PDC: variants seen among roughly 807,000 people sequenced by gnomAD.
PDC encodes phosducin.
PDC carries 19 observed loss-of-function variants against 22.2 expected under a neutral mutation model. The ratio of observed to expected loss-of-function variants is 0.86; its 90% confidence interval spans 0.60 to 1.26. The LOEUF (loss-of-function observed/expected upper bound fraction) is 1.26, where lower values mean the gene tolerates loss of function less well. PDC is among the 50% of genes most tolerant of loss of function. The pLI is 0.00. For synonymous variants in PDC, 97 were observed against 96.2 expected (o/e 1.01, Z -0.05); for missense variants, 274 against 286.8 (o/e 0.96, Z 0.32).
At chr1:186,448,632 T>G (rs369675127) in intron 2 of PDC, 2 of 867,192 alleles carry the variant, frequency 2.3e-6, no homozygotes, top group African/African-American at 3.6e-5. Context: ...ACCAACCTTT[T>G]CTTCAATGGT....
At chr1:186,450,468 G>A (rs769445761) in intron 1 of PDC, among the ~76,000 whole-genome samples, 4 of 151,902 alleles carry the variant, frequency 2.6e-5, no homozygotes, top group Admixed American at 6.6e-5. Flanking sequence ...TCTCCTGAGC[G>A]GCGGGGACTA....
At chr1:186,451,862 A>G (rs1370018824) in intron 1 of PDC, 1 of 152,216 alleles carries the variant, frequency 6.6e-6, no homozygotes, top group Non-Finnish European at 1.5e-5. Context: ...GAATTACATG[A>G]AGAACAAAAC....
At position 186,449,696 on chromosome 1, in the gene PDC, G is replaced by A. The variant is rs112978394; in HGVS notation, c.-24-213C>T. On this transcript the variant is annotated intron_variant, in intron 1 of 3. Transcript: ENST00000391997. ...GTAAAAGGACATTAATTTAACATGT[G>A]TTATTAAAGATGTCTGGACTTAAGG... Among the ~76,000 whole-genome samples the A allele has an allele frequency of 3.2e-3, 481 of 152,232 alleles. 3 individuals are homozygous for A. Among genetic ancestry groups the A allele is most frequent in the African/African-American group, 0.011 (455 of 41,544 alleles).
intron 1 of PDC, 45 bp from the exon 2 acceptor site, chr1:186,449,528 A>G: frequency 1.1e-6 from 1 of 943,806 alleles, no homozygotes; most frequent in Non-Finnish European, 1.7e-6. Context: ...GAATTCCAGG[A>G]TGTACATACA....
intron 1 of PDC, among the ~76,000 whole-genome samples, chr1:186,460,752 A>T (rs1662566204): frequency 6.6e-6 from 1 of 152,006 alleles, no homozygotes; most frequent in South Asian, 2.1e-4. Flanking sequence ...TTCTCCCTTC[A>T]CTCAAAGGAA....
intron 2 of PDC, 143 bp downstream of exon 2, chr1:186,449,256 C>T (rs1000886579): frequency 5.9e-5 from 25 of 426,046 alleles, no homozygotes; most frequent in African/African-American, 2.7e-4. Flanking sequence ...TTAATTTGCC[C>T]GCTCAAATAT....
intron 2 of PDC, 142 bp downstream of exon 2, chr1:186,449,257 G>A (rs59886878): frequency 0.018 from 7,642 of 423,118 alleles, 510 homozygotes; most frequent in African/African-American, 0.14. Flanking sequence ...TAATTTGCCC[G>A]CTCAAATATT....
At chr1:186,449,545 T>G (rs902614532) in intron 1 of PDC, 62 bp from the exon 2 acceptor site, 74 of 800,040 alleles carry the variant, frequency 9.2e-5, no homozygotes, top group Non-Finnish European at 1.3e-4. Context: ...TACATATATA[T>G]AGAGATAAAT....
intron 1 of PDC, among the ~76,000 whole-genome samples, chr1:186,460,106 C>T (rs1290658566): frequency 1.3e-5 from 2 of 152,158 alleles, no homozygotes; most frequent in Non-Finnish European, 2.9e-5. Flanking sequence ...CAACAACATA[C>T]TACTAAGGAA....
chr1:186,450,905 C>T (rs1662341469), intron 1 of PDC, among the ~76,000 whole-genome samples: 1 of 152,170 alleles, frequency 6.6e-6, no homozygotes, highest in African/African-American at 2.4e-5. Flanking sequence ...GATAAACTAT[C>T]TTATTTTTAT....
chr1:186,459,898 A>G (rs1662546717), intron 1 of PDC, among the ~76,000 whole-genome samples: 1 of 147,644 alleles, frequency 6.8e-6, no homozygotes, highest in African/African-American at 2.5e-5. Flanking sequence ...AGTAATAATA[A>G]TAACCTCCAT....
rs760214263 is a variant in PDC, at chr1:186,443,960, A to C, written c.*19T>G. 1.9e-6 allele frequency: 3 copies of C among 1,559,702 alleles called. No homozygotes were observed. Among genetic ancestry groups the C allele is most frequent in the Non-Finnish European group, 2.6e-6 (3 of 1,135,476 alleles). On this transcript the variant is annotated 3_prime_UTR_variant, in exon 4 of 4. Coordinates refer to ENST00000391997, the MANE Select transcript of PDC (RefSeq NM_002597.5). ...CCAATACCTAAAGGATAAACATGAG[A>C]TATTGACATAGTGAATCTTCATTCA...
At chr1:186,455,684 G>A (rs1207094570) in intron 1 of PDC, among the ~76,000 whole-genome samples, 6 of 151,360 alleles carry the variant, frequency 4.0e-5, no homozygotes, top group South Asian at 2.1e-4. Flanking sequence ...GCCAGTGGCC[G>A]GGCGCAGTGG....
intron 2 of PDC, among the ~76,000 whole-genome samples, chr1:186,448,451 A>G (rs779593647): frequency 2.0e-5 from 3 of 152,106 alleles, no homozygotes; most frequent in Admixed American, 6.6e-5. Context: ...GGAAACTGAC[A>G]CTGTCAACTG....
chr1:186,460,448 C>T (rs923540419), intron 1 of PDC, among the ~76,000 whole-genome samples: 2 of 152,082 alleles, frequency 1.3e-5, no homozygotes, highest in African/African-American at 4.8e-5. Flanking sequence ...GGTCCCAAAG[C>T]GCAAGTGTTG....
chr1:186,457,693 G>T (rs1011934244), intron 1 of PDC, among the ~76,000 whole-genome samples: 1 of 152,122 alleles, frequency 6.6e-6, no homozygotes, highest in African/African-American at 2.4e-5. Context: ...ATCATAATAA[G>T]AGTTTTCTTT....
Position 186,449,485 on chromosome 1 carries a change from T to C in PDC, c.-24-2A>G. 7.0e-7 allele frequency: 1 copy of C among 1,419,100 alleles called. No homozygotes were observed. Among genetic ancestry groups the C allele is most frequent in the East Asian group, 2.3e-5 (1 of 43,938 alleles). 87.9% of individuals were successfully genotyped at this position (1,419,100 alleles called of 1,614,324 possible). ...TTTAGGGACTGGATTTGATATAATCTATAGGAGGAACAAAGAAATAATAAT... is the reference window on the plus strand; with the variant it reads ...TTTAGGGACTGGATTTGATATAATCCATAGGAGGAACAAAGAAATAATAAT... On this transcript the variant is annotated splice_acceptor_variant, in intron 1 of 3. Transcript: ENST00000391997. LOFTEE classifies it low-confidence loss of function (5UTR_SPLICE).
In PDC at chr1:186,443,737, A is replaced by G. The variant is rs80116466; in HGVS notation, c.*242T>C. 1 of 419,190 alleles carries G rather than the reference A, an allele frequency of 2.4e-6. No individual in the cohort carries two copies. Among genetic ancestry groups the G allele is most frequent in the African/African-American group, 2.0e-5 (1 of 49,862 alleles). The allele number at this position is 419,190 out of a possible 1,614,324, so 26.0% of individuals were successfully genotyped here. On this transcript the variant is annotated 3_prime_UTR_variant, in exon 4 of 4. Transcript: ENST00000391997. The stretch of plus-strand genomic sequence containing the variant: ...GATTTTTGAAAAATGTCATAATATT[A>G]TCCACATCCTCTTTGTCTACTAATA...
rs949149539 is a variant in PDC at position 186,443,603 on chromosome 1, AT to A, written c.*375del. The stretch of plus-strand genomic sequence containing the variant: ...AAAATTTATTTTCTCATGAGATTTC[AT>A]TTTTATTACACAAAGAAAATTATAA... On this transcript the variant is annotated 3_prime_UTR_variant, in exon 4 of 4. Coordinates refer to ENST00000391997, the MANE Select transcript of PDC (RefSeq NM_002597.5). 2.7e-4 allele frequency: 43 copies of A among 160,818 alleles called. No homozygotes were observed. The highest frequency in any genetic ancestry group is 1.0e-3 in the African/African-American group (43 of 41,856). The allele number at this position is 160,818 out of a possible 1,614,324, so 10.0% of individuals were successfully genotyped here. A position where few individuals can be genotyped will look rare whatever the true frequency, so the allele number is the denominator to read the frequency against.
Sources: allele counts gnomAD v4.1 joint callset (sites outside exome capture counted in the v4.1 genomes callset), GRCh38; gene constraint gnomAD v4.1.1; transcripts MANE v1.5; gene names NCBI Gene and HGNC (gene_info 2026-07-23, HGNC 2026-07-21).